Variants in NDUFB2 observed in about 807,000 individuals in gnomAD.
NDUFB2 encodes the protein NADH dehydrogenase [ubiquinone] 1 beta subcomplex subunit 2, mitochondrial.
In NDUFB2, 13 loss-of-function variants were observed where a neutral mutation model predicts 13.4. That is an observed-to-expected ratio of 0.97 (90% CI 0.63 to 1.54). The LOEUF (loss-of-function observed/expected upper bound fraction) is 1.54, where lower values mean the gene tolerates loss of function less well. Among genes scored for constraint, NDUFB2 ranks in the 40% most tolerant of loss-of-function variants. NDUFB2 has a pLI of 0.00. For missense variants in NDUFB2, 150 were observed against 139.7 expected, an observed-to-expected ratio of 1.07 and a Z score of -0.37; for synonymous variants, 47 against 50.6, an observed-to-expected ratio of 0.93 and a Z score of 0.30.
chr7:140,704,294 C>T (rs1296745715), intron 2 of NDUFB2, among the ~76,000 whole-genome samples: 1 of 152,122 alleles, frequency 6.6e-6, no homozygotes, highest in Admixed American at 6.5e-5. Flanking sequence ...TTCTCTGTGC[C>T]GTTGTCCTTC....
intron 1 of NDUFB2, 43 bp downstream of exon 1, chr7:140,696,885 G>A (rs1794815503): frequency 1.3e-6 from 2 of 1,537,240 alleles, no homozygotes; most frequent in African/African-American, 1.4e-5. Context: ...GGCCTGTAGC[G>A]GACAGCGCGG....
In NDUFB2 at chr7:140,699,414, C is replaced by A. The variant is rs10246972; in HGVS notation, c.98+2572C>A. 9.8e-3 allele frequency among the ~76,000 whole-genome samples: 1,488 copies of A among 152,316 alleles called. 29 individuals carry two copies. Among genetic ancestry groups the A allele is most frequent in the African/African-American group, 0.033 (1,377 of 41,564 alleles). ...TGAGGGTGCCACCCCAATTCAGGCT[C>A]ACATTAAATTCTCGGCTTGGGGTTT... On this transcript the variant is annotated intron_variant, in intron 1 of 3. Transcript: ENST00000247866.
intron 1 of NDUFB2, chr7:140,702,067 G>C (rs1295683204): frequency 2.8e-6 from 2 of 702,186 alleles, no homozygotes; most frequent in African/African-American, 3.5e-5. Context: ...ACGAATTTCT[G>C]TGCTACATAA....
At chr7:140,698,066 GTTA>G in intron 1 of NDUFB2, 1 of 1,319,460 alleles carries the variant, frequency 7.6e-7, no homozygotes, top group Non-Finnish European at 9.9e-7. Flanking sequence ...AACTGTTGTT[GTTA>G]TTAAGGAACT....
At chr7:140,702,186 A>G (rs1585864698) in intron 1 of NDUFB2, 1 of 588,514 alleles carries the variant, frequency 1.7e-6, no homozygotes, top group South Asian at 2.1e-5. Flanking sequence ...ATTAGCATAT[A>G]TATGGCTGAT....
chr7:140,698,043 A>G (rs1794841217), intron 1 of NDUFB2: 2 of 1,298,678 alleles, frequency 1.5e-6, no homozygotes, highest in South Asian at 1.2e-5. Context: ...TAAGGACCGT[A>G]CAAGTATTCT....
At chr7:140,704,116 C>G (rs1794934907) in intron 2 of NDUFB2, among the ~76,000 whole-genome samples, 1 of 152,138 alleles carries the variant, frequency 6.6e-6, no homozygotes, top group Non-Finnish European at 1.5e-5. Context: ...ATTTGCAGAC[C>G]GTTCTTTGGG....
chr7:140,701,820 C>A, intron 1 of NDUFB2: 1 of 419,752 alleles, frequency 2.4e-6, no homozygotes, highest in Non-Finnish European at 4.3e-6. Flanking sequence ...CCTGTAGTCC[C>A]AGCTACTTGG....
Position 140,702,965 on chromosome 7 carries a change from G to C in NDUFB2, c.198G>C (p.Trp66Cys), listed in dbSNP as rs1168654701. 1 of 1,613,950 alleles carries C rather than the reference G, an allele frequency of 6.2e-7. No individual in the cohort carries two copies. The highest frequency in any genetic ancestry group is 1.1e-5 in the South Asian group (1 of 91,074). ...FQSEFFSGLM[W>C]FWILWRFWHD... ...GCGAGTTCTTCAGCGGACTCATGTG[G>C]TTCTGGATTCTCTGGCGCTTTTGGC... The change falls in exon 2 of 4, where the codon TGG becomes TGC. Residue 66 changes from tryptophan to cysteine, a missense_variant. Coordinates refer to ENST00000247866, the MANE Select transcript of NDUFB2 (RefSeq NM_004546.3).
chr7:140,702,999 G>A lies in NDUFB2; in HGVS notation c.232G>A (p.Glu78Lys). 1 of 1,614,058 alleles carries A rather than the reference G, an allele frequency of 6.2e-7. No individual in the cohort carries two copies. Among genetic ancestry groups the A allele is most frequent in the Non-Finnish European group, 8.5e-7 (1 of 1,180,014 alleles). The change falls in exon 2 of 4, where the codon GAA becomes AAA. Residue 78 changes from glutamate (E) to lysine (K), a missense_variant. Glu to Lys is a moderately conservative substitution (Grantham distance 56). Coordinates refer to ENST00000247866, the MANE Select transcript of NDUFB2 (RefSeq NM_004546.3). ...TCTCTGGCGCTTTTGGCATGACTCA[G>A]AAGAGGTGCTGGTAAGTGCAGGAGA... ...WILWRFWHDS[E>K]EVLGHFPYPD... is the part of the protein sequence containing the mutation.
At chr7:140,705,734 G>C (rs577685327) in intron 3 of NDUFB2, 25 of 152,330 alleles carry the variant, frequency 1.6e-4, no homozygotes, top group African/African-American at 5.8e-4. Flanking sequence ...CTACAGTGGT[G>C]AACAGGACAG....
intron 1 of NDUFB2, among the ~76,000 whole-genome samples, chr7:140,702,249 A>T (rs1794908041): frequency 1.3e-5 from 2 of 152,242 alleles, no homozygotes; most frequent in African/African-American, 4.8e-5. Context: ...AATTAGATGC[A>T]ACGTATAATA....
chr7:140,704,898 TGAA>T lies in NDUFB2; in HGVS notation c.286_288del (p.Glu96del), dbSNP rs1158675388. ...ATCCTGATCCTTCCCAGTGGACAGA[TGAA>T]GAATTAGGTATCCCTCCTGATGATG... On this transcript the variant is annotated inframe_deletion, in exon 3 of 4. Transcript: ENST00000247866. 6.2e-7 allele frequency: 1 copy of T among 1,605,906 alleles called. No homozygotes were observed. The highest frequency in any genetic ancestry group is 8.5e-7 in the Non-Finnish European group (1 of 1,176,390).
chr7:140,697,130 G>T lies in NDUFB2; in HGVS notation c.98+288G>T, dbSNP rs545494969. The T allele has an allele frequency of 9.6e-5, 57 of 592,376 alleles. 2 individuals carry two copies. In the South Asian group the frequency reaches 1.1e-3, roughly 12 times the overall value. 36.7% of individuals were successfully genotyped at this position (592,376 alleles called of 1,614,324 possible). A position where few individuals can be genotyped will look rare whatever the true frequency, so the allele number is the denominator to read the frequency against. On this transcript the variant is annotated intron_variant, in intron 1 of 3. Coordinates refer to ENST00000247866, the MANE Select transcript of NDUFB2 (RefSeq NM_004546.3). ...CACGCGTGAATGCGGAGCGGGCTGA[G>T]CCAGTCGGCGCCGGCGCGGGCGGTC...
At chr7:140,702,162 A>C (rs1439647014) in intron 1 of NDUFB2, 2 of 642,654 alleles carry the variant, frequency 3.1e-6, no homozygotes, top group Non-Finnish European at 5.6e-6. Context: ...AAAATTTTTT[A>C]TCCACTTCTG....
chr7:140,697,001 A>G, intron 1 of NDUFB2, 159 bp downstream of exon 1: 1 of 669,304 alleles, frequency 1.5e-6, no homozygotes, highest in Non-Finnish European at 2.6e-6. Flanking sequence ...ACTCGAGGAG[A>G]GGGACCCCGC....
At position 140,704,810 on chromosome 7, in the gene NDUFB2, C is replaced by A. The variant is rs138380403; in HGVS notation, c.244-50C>A. 1,023 of 1,245,964 alleles carry A rather than the reference C, an allele frequency of 8.2e-4. 15 individuals carry two copies. In the East Asian group the frequency reaches 0.022, roughly 27 times the overall value. 77.2% of individuals were successfully genotyped at this position (1,245,964 alleles called of 1,614,324 possible). A position where few individuals can be genotyped will look rare whatever the true frequency, so the allele number is the denominator to read the frequency against. ...ATTTATTTAACAATTTAATTAGTTG[C>A]ACAGAATGTAAATTCTTGACTTTTC... On this transcript the variant is annotated intron_variant, in intron 2 of 3. Coordinates refer to ENST00000247866, the MANE Select transcript of NDUFB2 (RefSeq NM_004546.3).
intron 3 of NDUFB2, chr7:140,706,060 TTTATGTTATG>T (rs71522109): frequency 5.7e-4 from 71 of 125,120 alleles, no homozygotes; most frequent in South Asian, 1.8e-3. Flanking sequence ...TATGTTATGT[TTTATGTTATG>T]TTATGTTATG....
chr7:140,702,689 C>CA, intron 1 of NDUFB2, 177 bp from the exon 2 acceptor site: 1 of 724,360 alleles, frequency 1.4e-6, no homozygotes, highest in Non-Finnish European at 2.1e-6. Flanking sequence ...TTTGCTGCTA[C>CA]ACATGAAGCA....
Sources: allele counts gnomAD v4.1 joint callset (sites outside exome capture counted in the v4.1 genomes callset), GRCh38; gene constraint gnomAD v4.1.1; transcripts MANE v1.5; gene names NCBI Gene and HGNC (gene_info 2026-07-23, HGNC 2026-07-21).